GCC2: variants seen among roughly 807,000 people sequenced by gnomAD.
GCC2 encodes the protein GRIP and coiled-coil domain-containing protein 2.
GCC2 carries 120 observed loss-of-function variants against 210.6 expected under a neutral mutation model. That is an observed-to-expected ratio of 0.57 (90% CI 0.49 to 0.66). The LOEUF is 0.66. Among genes scored for constraint, GCC2 ranks in the 30% least tolerant of loss-of-function variants. The pLI, the probability that GCC2 is intolerant of heterozygous loss-of-function variation, is 0.00. For synonymous variants in GCC2, 703 were observed against 652.7 expected (o/e 1.08, Z -1.17); for missense variants, 1,868 against 1,871.9 (o/e 1.00, Z 0.04).
At chr2:108,496,125 T>C (rs2104505526) in intron 20 of GCC2, 1 of 152,014 alleles carries the variant, frequency 6.6e-6, no homozygotes, top group South Asian at 2.1e-4. Context: ...GCTTGAACCA[T>C]AAATAAGTGG....
intron 19 of GCC2, chr2:108,493,334 C>T (rs1682498140): frequency 2.6e-6 from 2 of 780,056 alleles, no homozygotes; most frequent in Non-Finnish European, 1.6e-6. Flanking sequence ...GTGATCCACC[C>T]GCCTCGGCCT....
At position 108,471,835 on chromosome 2, in the gene GCC2, T is replaced by C. The variant is rs1222296847; in HGVS notation, c.2506T>C (p.Tyr836His). The change falls in exon 6 of 23, where the codon TAT becomes CAT. Residue 836 changes from tyrosine (Y) to histidine (H), a missense_variant. This residue lies in a region of GCC2 where 1,847 missense variants were observed against 1,765.2 expected (regional missense o/e 1.05). Coordinates refer to ENST00000309863, the MANE Select transcript of GCC2 (RefSeq NM_181453.4). The stretch of plus-strand genomic sequence containing the variant: ...AGAACTTAAGTCTTTATTGAGAGAC[T>C]ATGAGCAAGAGAAAGTTCTCTTAAG... The part of the protein sequence containing the change: ...CEELKSLLRD[Y>H]EQEKVLLRKE... The C allele has an allele frequency of 1.2e-6, 2 of 1,613,388 alleles. No homozygotes were observed. Among genetic ancestry groups the C allele is most frequent in the South Asian group, 1.1e-5 (1 of 91,026 alleles).
At chr2:108,497,360 C>T (rs1453725345) in intron 21 of GCC2, among the ~76,000 whole-genome samples, 1 of 152,230 alleles carries the variant, frequency 6.6e-6, no homozygotes, top group Non-Finnish European at 1.5e-5. Flanking sequence ...TCGTGATCCG[C>T]CTGCCTTGGC....
At chr2:108,497,362 T>C (rs1195350254) in intron 21 of GCC2, among the ~76,000 whole-genome samples, 1 of 152,220 alleles carries the variant, frequency 6.6e-6, no homozygotes, top group African/African-American at 2.4e-5. Flanking sequence ...GTGATCCGCC[T>C]GCCTTGGCCT....
At chr2:108,493,679 T>C in intron 19 of GCC2, 1 of 985,444 alleles carries the variant, frequency 1.0e-6, no homozygotes, top group African/African-American at 1.7e-5. Context: ...AAGTTGATGG[T>C]GTTTTGGTTT....
chr2:108,481,627 G>A, intron 9 of GCC2, 70 bp from the exon 10 acceptor site: 1 of 1,145,274 alleles, frequency 8.7e-7, no homozygotes, highest in Non-Finnish European at 1.2e-6. Context: ...TCTTAAGGTG[G>A]CTTGATGATG....
intron 9 of GCC2, among the ~76,000 whole-genome samples, chr2:108,481,452 G>C (rs1681845131): frequency 6.6e-6 from 1 of 152,128 alleles, no homozygotes; most frequent in African/African-American, 2.4e-5. Flanking sequence ...TAACCTTGGA[G>C]CTATTATATT....
At chr2:108,491,126 G>A (rs1682384067) in intron 18 of GCC2, among the ~76,000 whole-genome samples, 2 of 152,140 alleles carry the variant, frequency 1.3e-5, no homozygotes, top group African/African-American at 4.8e-5. Flanking sequence ...TGGTTCCAGA[G>A]GAATGTGATA....
intron 22 of GCC2, among the ~76,000 whole-genome samples, chr2:108,504,350 G>C (rs937421331): frequency 2.0e-5 from 3 of 152,008 alleles, no homozygotes; most frequent in Admixed American, 6.6e-5. Flanking sequence ...ATTAGCTTAG[G>C]GGGTAAAGTA....
At chr2:108,493,090 G>A (rs897755400) in intron 19 of GCC2, among the ~76,000 whole-genome samples, 3 of 152,022 alleles carry the variant, frequency 2.0e-5, no homozygotes, top group Non-Finnish European at 2.9e-5. Context: ...TGTCAGTCTC[G>A]TGACATGTCT....
At chr2:108,490,054 A>G (rs771842301) in intron 18 of GCC2, 40 bp downstream of exon 18, 3 of 1,389,416 alleles carry the variant, frequency 2.2e-6, no homozygotes, top group East Asian at 2.6e-5. Context: ...CCAGACAGCA[A>G]TGTATTTCTT....
intron 4 of GCC2, among the ~76,000 whole-genome samples, chr2:108,455,113 C>T (rs1680186242): frequency 6.6e-6 from 1 of 152,088 alleles, no homozygotes; most frequent in East Asian, 1.9e-4. Context: ...TCAATGTATT[C>T]TCCCACTGTC....
chr2:108,470,976 T>G lies in GCC2; in HGVS notation c.1647T>G (p.Ser549=). ...RLQGENEKLL[S]QQELVPELEN... ...AGGGAGAAAATGAAAAGTTACTATCTCAACAAGAATTGGTACCAGAACTTG... is the reference window on the plus strand; with the variant it reads ...AGGGAGAAAATGAAAAGTTACTATCGCAACAAGAATTGGTACCAGAACTTG... The change falls in exon 6 of 23, where the codon TCT becomes TCG. Residue 549 remains serine (S), a synonymous_variant. Transcript: ENST00000309863. 1 of 1,613,192 alleles carries G rather than the reference T, an allele frequency of 6.2e-7. No individual in the cohort carries two copies.
intron 5 of GCC2, 181 bp downstream of exon 5, chr2:108,469,265 T>G: frequency 2.2e-6 from 1 of 456,694 alleles, no homozygotes; most frequent in Non-Finnish European, 3.9e-6. Flanking sequence ...GCAACAGAGG[T>G]GACATTTACT....
chr2:108,495,334 G>A lies in GCC2; in HGVS notation c.4491G>A (p.Arg1497=). Residue 1497 remains arginine (R), a synonymous_variant, in exon 20 of 23, where the codon AGG becomes AGA. Transcript: ENST00000309863. ...AATCTTTGAAGAACCTTCGAGAAAG[G>A]AGAAACACAGACCTCCCGCTTCTAG... ...SQQSLKNLRE[R]RNTDLPLLDM... 1 of 1,579,306 alleles carries A rather than the reference G, an allele frequency of 6.3e-7. No individual in the cohort carries two copies. Among genetic ancestry groups the A allele is most frequent in the Non-Finnish European group, 8.5e-7 (1 of 1,170,972 alleles).
At chr2:108,462,494 A>T (rs1198397923) in intron 4 of GCC2, 2 of 140,534 alleles carry the variant, frequency 1.4e-5, no homozygotes, top group Non-Finnish European at 3.0e-5. Context: ...ACTCAGTCTC[A>T]AAATAAATAA....
rs369977045 is a variant in GCC2 at position 108,481,804 on chromosome 2, T to G, written c.3168T>G (p.Asn1056Lys). 5 of 1,563,144 alleles carry G rather than the reference T, an allele frequency of 3.2e-6. No homozygotes were observed. The highest frequency in any genetic ancestry group is 4.3e-6 in the Non-Finnish European group (5 of 1,159,172). The change falls in exon 10 of 23, where the codon AAT becomes AAG. Residue 1056 changes from asparagine to lysine, a missense_variant. By Grantham distance (94) the Asn-to-Lys change is moderately conservative. Transcript: ENST00000309863. The stretch of plus-strand genomic sequence containing the variant: ...AAGACCTTACAAGACAATTAAGAAA[T>G]TCGACTTTGCAGGTAATTTTTTAAT... ...RIEDLTRQLR[N>K]STLQCETINS...
chr2:108,507,432 A>C, intron 22 of GCC2, 128 bp from the exon 23 acceptor site: 1 of 343,114 alleles, frequency 2.9e-6, no homozygotes, highest in Non-Finnish European at 5.4e-6. Flanking sequence ...AAAGGCATGT[A>C]ATCAGTAAAA....
chr2:108,451,151 T>G (rs1243898192), intron 3 of GCC2, 39 bp downstream of exon 3: 1 of 1,224,058 alleles, frequency 8.2e-7, no homozygotes, highest in African/African-American at 1.5e-5. Context: ...CACAGTCTCT[T>G]TAATCGTGGT....
Sources: gnomAD v4.1 joint callset for allele counts (sites outside exome capture counted in the v4.1 genomes callset) on GRCh38, gnomAD v4.1.1 for gene constraint, gnomAD v4.1.1 regional missense constraint, MANE v1.5 for transcripts, NCBI Gene and HGNC (gene_info 2026-07-23, HGNC 2026-07-21) for gene names.